The following GLDC variants were observed in gnomAD, a reference collection of about 807,000 sequenced individuals.
GLDC encodes glycine dehydrogenase (decarboxylating), mitochondrial.
In GLDC, 104 loss-of-function variants were observed where a neutral mutation model predicts 121.3. That is an observed-to-expected ratio of 0.86 (90% confidence interval 0.73 to 1.01). GLDC has a LOEUF of 1.01. Among genes scored for constraint, GLDC ranks in the 50% least tolerant of loss-of-function variants. The probability of loss-of-function intolerance (pLI) is 0.00; values close to 1 mark genes in which losing one functional copy is unlikely to be tolerated. For missense variants in GLDC, 1,429 were observed against 1,306.6 expected, an observed-to-expected ratio of 1.09 and a Z score of -1.44; for synonymous variants, 546 against 480.6, an observed-to-expected ratio of 1.14 and a Z score of -1.78.
At chr9:6,625,204 C>T (rs1819206365) in intron 2 of GLDC, among the ~76,000 whole-genome samples, 1 of 152,076 alleles carries the variant, frequency 6.6e-6, no homozygotes, top group African/African-American at 2.4e-5. Context: ...CCAACAATCC[C>T]TCAGTGACCC....
At position 6,553,492 on chromosome 9, in the gene GLDC, G is replaced by A. The variant is rs754670348; in HGVS notation, c.2333C>T (p.Pro778Leu). 1.4e-5 allele frequency: 23 copies of A among 1,612,734 alleles called. No homozygotes were observed. The highest frequency in any genetic ancestry group is 4.5e-5 in the East Asian group (2 of 44,850). ...GPIGVKKHLA[P>L]FLPNHPVISL... ...AATGACGGGATGATTGGGCAAAAAC[G>A]GGGCGAGATGTTTCTTCCTGTATTT... Residue 778 changes from proline (P) to leucine (L), a missense_variant, in exon 20 of 25, where the codon CCG becomes CTG. Coordinates refer to ENST00000321612, the MANE Select transcript of GLDC (RefSeq NM_000170.3).
chr9:6,558,527 C>T, intron 17 of GLDC, 32 bp downstream of exon 17: 1 of 1,613,246 alleles, frequency 6.2e-7, no homozygotes, highest in Non-Finnish European at 8.5e-7. Context: ...CCCATCCCGG[C>T]CTCTCCCATC....
intron 2 of GLDC, among the ~76,000 whole-genome samples, chr9:6,630,883 C>G (rs1057284883): frequency 1.3e-5 from 2 of 152,180 alleles, no homozygotes; most frequent in African/African-American, 2.4e-5. Context: ...CTGGATCAAG[C>G]CCACTTACGC....
At chr9:6,534,658 G>C (rs1563826796) in intron 24 of GLDC, 50 bp downstream of exon 24, 1 of 918,238 alleles carries the variant, frequency 1.1e-6, no homozygotes, top group Admixed American at 1.7e-5. Context: ...GTCAGGATAG[G>C]AGCTGGCCCA....
chr9:6,586,235 C>T (rs2225519), intron 15 of GLDC, among the ~76,000 whole-genome samples: 78,542 of 151,814 alleles, frequency 0.52, 20,752 homozygotes, highest in Middle Eastern at 0.57. Flanking sequence ...GCAGAGGTTG[C>T]GGTGAGCCGA....
At chr9:6,574,272 A>G (rs544085681) in intron 15 of GLDC, among the ~76,000 whole-genome samples, 1 of 152,294 alleles carries the variant, frequency 6.6e-6, no homozygotes, top group East Asian at 1.9e-4. Context: ...GTTCAAGACC[A>G]GCCTGGCCAA....
intron 3 of GLDC, among the ~76,000 whole-genome samples, chr9:6,612,638 C>T (rs532006700): frequency 1.7e-4 from 26 of 151,976 alleles, no homozygotes; most frequent in East Asian, 1.2e-3. Context: ...GCTGAGGAGG[C>T]GGATCACGAG....
intron 2 of GLDC, chr9:6,639,668 A>AAATATATATAT: frequency 3.6e-5 from 9 of 250,554 alleles, no homozygotes; most frequent in East Asian, 3.4e-4. Flanking sequence ...ATAAAAAAAA[A>AAATATATATAT]GTATATATAT....
Position 6,604,625 on chromosome 9 carries a change from C to T in GLDC, c.1021G>A (p.Val341Met). The T allele has an allele frequency of 1.9e-6, 3 of 1,613,336 alleles. No homozygotes were observed. Among genetic ancestry groups the T allele is most frequent in the East Asian group, 2.2e-5 (1 of 44,878 alleles). Residue 341 changes from valine (V) to methionine (M), a missense_variant, in exon 7 of 25, where the codon GTG becomes ATG. Transcript: ENST00000321612. The stretch of plus-strand genomic sequence containing the variant: ...ACCATTCTTCCAGGCATCATTCTCA[C>T]CAAGCTTTCTCGGACAGCAAAAAAT... ...AAFFAVRESL[V>M]RMMPGRMVGV...
intron 2 of GLDC, among the ~76,000 whole-genome samples, chr9:6,637,330 C>T (rs1485869230): frequency 6.7e-6 from 1 of 149,478 alleles, no homozygotes; most frequent in Non-Finnish European, 1.5e-5. Context: ...ATTTGAACCC[C>T]GGAGGCAGAG....
At chr9:6,572,672 G>C (rs1407247921) in intron 15 of GLDC, among the ~76,000 whole-genome samples, 1 of 152,202 alleles carries the variant, frequency 6.6e-6, no homozygotes, top group Non-Finnish European at 1.5e-5. Flanking sequence ...AGTGAAGATG[G>C]TGACTCTTCG....
chr9:6,644,037 A>AAAAAAAAAC (rs1819684266), intron 2 of GLDC, among the ~76,000 whole-genome samples: 1 of 148,054 alleles, frequency 6.8e-6, no homozygotes, highest in Non-Finnish European at 1.5e-5. Flanking sequence ...CTCAAAAAAA[A>AAAAAAAAAC]AAAAAAAAAA....
intron 24 of GLDC, 80 bp downstream of exon 24, chr9:6,534,628 G>A: frequency 1.3e-6 from 1 of 762,766 alleles, no homozygotes; most frequent in Non-Finnish European, 2.4e-6. Flanking sequence ...CTGTAATCAT[G>A]AGGCTAAGAG....
At chr9:6,581,507 TGACA>T (rs1587941894) in intron 15 of GLDC, among the ~76,000 whole-genome samples, 2 of 152,236 alleles carry the variant, frequency 1.3e-5, no homozygotes, top group Admixed American at 6.5e-5. Flanking sequence ...GTGGCGTCTC[TGACA>T]GACAGTTACC....
intron 20 of GLDC, among the ~76,000 whole-genome samples, chr9:6,551,335 TG>T (rs1311094848): frequency 3.3e-5 from 5 of 152,234 alleles, no homozygotes; most frequent in Admixed American, 1.3e-4. Context: ...CAATTTTGTC[TG>T]GTTTATTTTC....
intron 8 of GLDC, among the ~76,000 whole-genome samples, chr9:6,600,633 C>G (rs1452689339): frequency 6.6e-6 from 1 of 151,182 alleles, no homozygotes; most frequent in Non-Finnish European, 1.5e-5. Context: ...TTGCGCCACC[C>G]CATTCCAACC....
chr9:6,544,757 T>C (rs1817351067), intron 21 of GLDC, among the ~76,000 whole-genome samples: 1 of 152,106 alleles, frequency 6.6e-6, no homozygotes, highest in South Asian at 2.1e-4. Flanking sequence ...ATCAAACCTT[T>C]GCCTCCTATA....
chr9:6,622,560 C>T (rs1353279554), intron 2 of GLDC, among the ~76,000 whole-genome samples: 2 of 152,186 alleles, frequency 1.3e-5, no homozygotes, highest in Admixed American at 6.5e-5. Context: ...GGTGCCCAGG[C>T]TGGAGTGCAG....
At chr9:6,547,313 C>A (rs1396246124) in intron 21 of GLDC, among the ~76,000 whole-genome samples, 1 of 152,122 alleles carries the variant, frequency 6.6e-6, no homozygotes, top group Non-Finnish European at 1.5e-5. Context: ...GTAGACAGAA[C>A]AGATGGGGGA....
Sources: gnomAD v4.1 joint callset for allele counts (sites outside exome capture counted in the v4.1 genomes callset) on GRCh38, gnomAD v4.1.1 for gene constraint, MANE v1.5 for transcripts, NCBI Gene and HGNC (gene_info 2026-07-23, HGNC 2026-07-21) for gene names.